Variants in SLC9C1 observed in about 807,000 individuals in gnomAD.
SLC9C1 encodes the protein solute carrier family 9 member C1, also known as sodium/hydrogen exchanger 10.
Under a neutral mutation model 140.9 loss-of-function variants are expected in SLC9C1, and 97 were observed. The observed-to-expected ratio is 0.69, with a 90% CI of 0.58 to 0.82. The LOEUF is 0.82. Among genes scored for constraint, SLC9C1 ranks in the 40% least tolerant of loss-of-function variants. SLC9C1 has a pLI of 0.00. For missense variants in SLC9C1, 1,340 were observed against 1,389.3 expected, an observed-to-expected ratio of 0.96 and a Z score of 0.56; for synonymous variants, 440 against 442.6, an observed-to-expected ratio of 0.99 and a Z score of 0.07.
At chr3:112,271,084 C>T (rs2080059266) in intron 6 of SLC9C1, among the ~76,000 whole-genome samples, 1 of 151,990 alleles carries the variant, frequency 6.6e-6, no homozygotes, top group African/African-American at 2.4e-5. Flanking sequence ...AAGGAAAATA[C>T]CGCATGATCT....
intron 28 of SLC9C1, chr3:112,151,388 C>G (rs1177798562): frequency 1.9e-6 from 1 of 518,940 alleles, no homozygotes; most frequent in African/African-American, 1.9e-5. Context: ...ATTCTCACAG[C>G]CAGCCATTTC....
At chr3:112,169,401 A>T in intron 23 of SLC9C1, 73 bp from the exon 24 acceptor site, 1 of 1,406,100 alleles carries the variant, frequency 7.1e-7, no homozygotes, top group Non-Finnish European at 9.6e-7. Flanking sequence ...TTTTTTGTTT[A>T]TGTACACTAT....
At chr3:112,233,570 G>C (rs892634191) in intron 12 of SLC9C1, among the ~76,000 whole-genome samples, 1 of 151,836 alleles carries the variant, frequency 6.6e-6, no homozygotes, top group Admixed American at 6.6e-5. Context: ...CCATGTTGGT[G>C]TGCTGCACCC....
intron 2 of SLC9C1, among the ~76,000 whole-genome samples, chr3:112,280,998 C>T (rs2080343644): frequency 6.6e-6 from 1 of 152,204 alleles, no homozygotes; most frequent in African/African-American, 2.4e-5. Flanking sequence ...ATCTCATTCT[C>T]ATCTCCTTAG....
intron 17 of SLC9C1, 129 bp downstream of exon 17, chr3:112,204,089 C>A: frequency 9.5e-7 from 1 of 1,056,222 alleles, no homozygotes; most frequent in Non-Finnish European, 1.2e-6. Flanking sequence ...CCAAAGGAAG[C>A]TAAAATTTAA....
At chr3:112,218,089 T>C (rs1054842287) in intron 14 of SLC9C1, among the ~76,000 whole-genome samples, 1 of 152,032 alleles carries the variant, frequency 6.6e-6, no homozygotes, top group Non-Finnish European at 1.5e-5. Context: ...TGAGTTAAAA[T>C]AGTAACTTAG....
chr3:112,263,710 C>A (rs908367069), intron 9 of SLC9C1, among the ~76,000 whole-genome samples: 1 of 151,838 alleles, frequency 6.6e-6, no homozygotes, highest in Admixed American at 6.6e-5. Context: ...TGGTTTTTCT[C>A]ACTCTATGCT....
At position 112,169,317 on chromosome 3, in the gene SLC9C1, A is replaced by G. The variant is rs751367471; in HGVS notation, c.2931T>C (p.Ile977=). 2.5e-6 allele frequency: 4 copies of G among 1,607,812 alleles called. No homozygotes were observed. The Admixed American group carries it at 5.1e-5, about 21-fold the overall frequency. The change falls in exon 24 of 29, where the codon ATT becomes ATC. Residue 977 remains isoleucine, a synonymous_variant. Coordinates refer to ENST00000305815, the MANE Select transcript of SLC9C1 (RefSeq NM_183061.3). The part of the protein sequence containing the change: ...TCKTVVETCF[I]PKTHLYDAFE... ...AAGCATCATACAAGTGAGTTTTGGG[A>G]ATAAAACATGTCTGGAAAAGAAGGA... is the stretch of plus-strand genomic sequence containing the variant.
At chr3:112,286,683 T>G in intron 2 of SLC9C1, 21 bp downstream of exon 2, 1 of 1,583,510 alleles carries the variant, frequency 6.3e-7, no homozygotes, top group Non-Finnish European at 8.6e-7. Flanking sequence ...TAAACTCAGA[T>G]AAAGAGAGAG....
intron 20 of SLC9C1, among the ~76,000 whole-genome samples, chr3:112,192,936 C>T (rs1324533505): frequency 2.0e-5 from 3 of 152,132 alleles, no homozygotes; most frequent in Non-Finnish European, 4.4e-5. Flanking sequence ...TTCTATGCAT[C>T]TGGTGGAACA....
chr3:112,277,484 A>T (rs1000439866), intron 5 of SLC9C1, among the ~76,000 whole-genome samples: 1 of 152,060 alleles, frequency 6.6e-6, no homozygotes, highest in Non-Finnish European at 1.5e-5. Context: ...ACAATTGCGT[A>T]TAATACTTTT....
At chr3:112,243,458 A>G (rs959137298) in intron 11 of SLC9C1, among the ~76,000 whole-genome samples, 2 of 152,194 alleles carry the variant, frequency 1.3e-5, no homozygotes, top group African/African-American at 4.8e-5. Flanking sequence ...TTGAGTACAC[A>G]TGAACATAGA....
intron 27 of SLC9C1, among the ~76,000 whole-genome samples, chr3:112,152,447 A>G (rs145754652): frequency 1.1e-3 from 164 of 152,236 alleles, no homozygotes; most frequent in Middle Eastern, 3.4e-3. Flanking sequence ...ATCTCAGAAA[A>G]TAGAATGTAT....
At chr3:112,213,862 T>TA (rs1553794452) in intron 15 of SLC9C1, among the ~76,000 whole-genome samples, 1 of 152,200 alleles carries the variant, frequency 6.6e-6, no homozygotes, top group Non-Finnish European at 1.5e-5. Flanking sequence ...GCACACCTAA[T>TA]AGACATCTAC....
intron 23 of SLC9C1, among the ~76,000 whole-genome samples, chr3:112,176,530 T>C (rs572923863): frequency 1.3e-5 from 2 of 152,368 alleles, no homozygotes; most frequent in East Asian, 3.8e-4. Flanking sequence ...ATGATGGTTT[T>C]TACCGAATGC....
At chr3:112,233,286 C>A (rs1326462677) in intron 12 of SLC9C1, among the ~76,000 whole-genome samples, 2 of 151,924 alleles carry the variant, frequency 1.3e-5, no homozygotes, top group African/African-American at 4.8e-5. Flanking sequence ...AGGTTCGTCT[C>A]AAACTGCTTG....
Position 112,264,202 on chromosome 3 carries a change from TAAAAC to T in SLC9C1, c.1015_1019del (p.Val339LysfsTer18). The T allele has an allele frequency of 8.6e-7, 1 of 1,169,526 alleles. No homozygotes were observed. Among genetic ancestry groups the T allele is most frequent in the Non-Finnish European group, 1.1e-6 (1 of 889,860 alleles). 72.4% of individuals were successfully genotyped at this position (1,169,526 alleles called of 1,614,324 possible). On this transcript the variant is annotated frameshift_variant, in exon 9 of 29. Coordinates refer to ENST00000305815, the MANE Select transcript of SLC9C1 (RefSeq NM_183061.3). LOFTEE classifies it high-confidence loss of function. ...AAAAATTTTAATGATGTTCTTACCT[TAAAAC>T]AATCAATGTTAAGTAGATATTTAAT...
chr3:112,185,453 C>G, intron 20 of SLC9C1: 4 of 1,581,516 alleles, frequency 2.5e-6, no homozygotes, highest in Non-Finnish European at 3.4e-6. Flanking sequence ...CTCTATGAAA[C>G]AGTTTTTTCC....
chr3:112,231,285 A>G (rs1255728120), intron 13 of SLC9C1, 76 bp downstream of exon 13: 1 of 1,550,646 alleles, frequency 6.4e-7, no homozygotes, highest in Non-Finnish European at 8.8e-7. Flanking sequence ...AGCATGATCA[A>G]GATGTCTTTA....
Sources: allele counts gnomAD v4.1 joint callset (sites outside exome capture counted in the v4.1 genomes callset), GRCh38; gene constraint gnomAD v4.1.1; transcripts MANE v1.5; gene names NCBI Gene and HGNC (gene_info 2026-07-23, HGNC 2026-07-21).